The following RAB3A variants were observed in gnomAD, a reference collection of about 807,000 sequenced individuals.
RAB3A encodes the protein RAB3A, member RAS oncogene family.
In RAB3A, 5 loss-of-function variants were observed where a neutral mutation model predicts 19.7. That is an observed-to-expected ratio of 0.25 (90% CI 0.13 to 0.53). The LOEUF (loss-of-function observed/expected upper bound fraction) is 0.53. Among genes scored for constraint, RAB3A ranks in the 20% least tolerant of loss-of-function variants. The pLI, the probability that RAB3A is intolerant of heterozygous loss-of-function variation, is 0.95. For missense variants in RAB3A, 189 were observed against 305.6 expected (o/e 0.62, Z 2.85); for synonymous variants, 119 against 122.1 (o/e 0.97, Z 0.17).
chr19:18,201,572 C>G (rs886329960), intron 2 of RAB3A, among the ~76,000 whole-genome samples: 6 of 152,008 alleles, frequency 3.9e-5, no homozygotes, highest in Non-Finnish European at 7.4e-5. Context: ...GGTGACAGAG[C>G]AAAAACTCTG....
At chr19:18,203,461 C>A (rs1186379165) in intron 1 of RAB3A, among the ~76,000 whole-genome samples, 1 of 152,200 alleles carries the variant, frequency 6.6e-6, no homozygotes, top group Non-Finnish European at 1.5e-5. Flanking sequence ...CATACCTGCA[C>A]AGGCGGTCCA....
chr19:18,200,361 T>G lies in RAB3A; in HGVS notation c.313A>C (p.Thr105Pro). The G allele has an allele frequency of 6.2e-7, 1 of 1,613,898 alleles. No homozygotes were observed. Among genetic ancestry groups the G allele is most frequent in the Non-Finnish European group, 8.5e-7 (1 of 1,179,858 alleles). The change falls in exon 3 of 5, where the codon ACC becomes CCC. Residue 105 changes from threonine (T) to proline (P), a missense_variant. Physicochemically the swap from Thr to Pro is conservative, Grantham distance 38 (BLOSUM62 -1). Coordinates refer to ENST00000222256, the MANE Select transcript of RAB3A (RefSeq NM_002866.5). ...AMGFILMYDI[T>P]NEESFNAVQD... ...ACTGCATTGAAGGATTCCTCGTTGG[T>G]GATGTCATACATGAGGATGAAGCCC...
In RAB3A at chr19:18,199,057, G is replaced by T. The variant is rs188645708; in HGVS notation, c.348-208C>A. On this transcript the variant is annotated intron_variant, in intron 3 of 4. Coordinates refer to ENST00000222256, the MANE Select transcript of RAB3A (RefSeq NM_002866.5). ...CCCATTATTGTTTCTGTGTTTTGGG[G>T]TTTTTTTTGAGATAGAGTCTGGGTC... 4.2e-3 allele frequency among the ~76,000 whole-genome samples: 639 copies of T among 151,920 alleles called. 4 individuals carry two copies. Among genetic ancestry groups the T allele is most frequent in the African/African-American group, 0.015 (609 of 41,426 alleles).
In RAB3A at chr19:18,197,359, A is replaced by T; in HGVS notation, c.*111T>A. 1.0e-6 allele frequency: 1 copy of T among 954,280 alleles called. No individual in the cohort carries two copies. Among genetic ancestry groups the T allele is most frequent in the Non-Finnish European group, 1.6e-6 (1 of 638,188 alleles). 59.1% of individuals were successfully genotyped at this position (954,280 alleles called of 1,614,324 possible). On this transcript the variant is annotated 3_prime_UTR_variant, in exon 5 of 5. Transcript: ENST00000222256. ...CAATAATAAATAAGGGTGACGGGCT[A>T]AGTCAGGAGCAGGGGTCTTGTGCCC...
chr19:18,199,730 G>A lies in RAB3A; in HGVS notation c.347+597C>T, dbSNP rs148713587. On this transcript the variant is annotated intron_variant, in intron 3 of 4. Coordinates refer to ENST00000222256, the MANE Select transcript of RAB3A (RefSeq NM_002866.5). ...GTAGAGATGGGGTTTCTCCATCTTG[G>A]TCAGGCTGGTCTCGAACTCCCGACC... Among the ~76,000 whole-genome samples the A allele has an allele frequency of 5.0e-3, 749 of 150,862 alleles. 7 individuals carry two copies. Among genetic ancestry groups the A allele is most frequent in the African/African-American group, 0.017 (681 of 41,080 alleles).
Position 18,197,379 on chromosome 19 carries a change from G to C in RAB3A, c.*91C>G. The C allele has an allele frequency of 8.3e-7, 1 of 1,206,632 alleles. No individual in the cohort carries two copies. The highest frequency in any genetic ancestry group is 1.2e-6 in the Non-Finnish European group (1 of 853,510). 74.7% of individuals were successfully genotyped at this position (1,206,632 alleles called of 1,614,324 possible). A position where few individuals can be genotyped will look rare whatever the true frequency, so the allele number is the denominator to read the frequency against. On this transcript the variant is annotated 3_prime_UTR_variant, in exon 5 of 5. Transcript: ENST00000222256. Reference sequence around the variant, plus strand: ...GGGCTAAGTCAGGAGCAGGGGTCTTGTGCCCGTGGCTGGTAGGGGCCGGGT... The same window carrying C: ...GGGCTAAGTCAGGAGCAGGGGTCTTCTGCCCGTGGCTGGTAGGGGCCGGGT...
chr19:18,201,084 A>T (rs755335715), intron 2 of RAB3A, among the ~76,000 whole-genome samples: 1 of 150,334 alleles, frequency 6.7e-6, no homozygotes, highest in Non-Finnish European at 1.5e-5. Flanking sequence ...AAAATACAAA[A>T]ATTAGCTCGG....
Position 18,202,448 on chromosome 19 carries a change from G to T in RAB3A, c.228+65C>A. ...AGTCAGGAAAGAGATAGACGAGGTTGGGGCTGCTTTTCCAAGTACGGGAAT... is the reference window on the plus strand; with the variant it reads ...AGTCAGGAAAGAGATAGACGAGGTTTGGGCTGCTTTTCCAAGTACGGGAAT... On this transcript the variant is annotated intron_variant, in intron 2 of 4. Coordinates refer to ENST00000222256, the MANE Select transcript of RAB3A (RefSeq NM_002866.5). The surrounding 1 kb of genome is among the most constrained non-coding windows in gnomAD (Gnocchi z 4.2). 1 of 1,414,262 alleles carries T rather than the reference G, an allele frequency of 7.1e-7. No homozygotes were observed. Among genetic ancestry groups the T allele is most frequent in the Non-Finnish European group, 9.9e-7 (1 of 1,005,836 alleles). 87.6% of individuals were successfully genotyped at this position (1,414,262 alleles called of 1,614,324 possible).
chr19:18,203,238 G>C (rs1377076887), intron 1 of RAB3A, among the ~76,000 whole-genome samples: 1 of 152,234 alleles, frequency 6.6e-6, no homozygotes, highest in Non-Finnish European at 1.5e-5. Flanking sequence ...GCATGCACAC[G>C]CTCACGTGCA....
rs62120386 is a variant in RAB3A, at chr19:18,203,559, A to G, written c.-1+337T>C. On this transcript the variant is annotated intron_variant, in intron 1 of 4. Transcript: ENST00000222256. ...ACGAGCATATCCAGGTACACAAGCA[A>G]GGGTGCACACAGACCCGCTGACACA... Among the ~76,000 whole-genome samples, 1,347 of 152,254 alleles carry G rather than the reference A, an allele frequency of 8.8e-3. 10 individuals are homozygous for G. The highest frequency in any genetic ancestry group is 0.02 in the Middle Eastern group (6 of 294).
intron 4 of RAB3A, 25 bp from the exon 5 acceptor site, chr19:18,197,685 A>T: frequency 6.3e-7 from 1 of 1,589,008 alleles, no homozygotes; most frequent in Non-Finnish European, 8.6e-7. Context: ...GGCAGGGATG[A>T]GGACCCTGGC....
intron 4 of RAB3A, 21 bp from the exon 5 acceptor site, chr19:18,197,681 G>A (rs1472325688): frequency 1.3e-6 from 2 of 1,592,672 alleles, no homozygotes; most frequent in Middle Eastern, 1.8e-4. Flanking sequence ...AGAAGGCAGG[G>A]ATGAGGACCC....
chr19:18,197,477 G>A lies in RAB3A; in HGVS notation c.656C>T (p.Ala219Val), dbSNP rs1307042360. 3.1e-6 allele frequency: 5 copies of A among 1,611,566 alleles called. No individual in the cohort carries two copies. The African/African-American group carries it at 6.7e-5, about 21-fold the overall frequency. Reference sequence around the variant, plus strand: ...AAGGGAGTGGGATGGCTCTCAGCAGGCGCAGTCCTGGTGCGGTGGCACCTG... The same window carrying A: ...AAGGGAGTGGGATGGCTCTCAGCAGACGCAGTCCTGGTGCGGTGGCACCTG... Reference protein sequence around the residue: ...DQQVPPHQDCAC With the variant: ...DQQVPPHQDCVC Residue 219 changes from alanine to valine, a missense_variant, in exon 5 of 5, where the codon GCC becomes GTC. By Grantham distance (64) the Ala-to-Val change is moderately conservative. Transcript: ENST00000222256.
At chr19:18,203,019 C>G (rs1161250263) in intron 1 of RAB3A, among the ~76,000 whole-genome samples, 2 of 152,204 alleles carry the variant, frequency 1.3e-5, no homozygotes, top group Non-Finnish European at 2.9e-5. Context: ...GGGGCTGTAA[C>G]CCTAAACCCA....
At position 18,202,802 on chromosome 19, in the gene RAB3A, C is replaced by T; in HGVS notation, c.1-62G>A. The T allele has an allele frequency of 7.2e-7, 1 of 1,396,132 alleles. No homozygotes were observed. Among genetic ancestry groups the T allele is most frequent in the Non-Finnish European group, 1.0e-6 (1 of 992,342 alleles). 86.5% of individuals were successfully genotyped at this position (1,396,132 alleles called of 1,614,324 possible). A position where few individuals can be genotyped will look rare whatever the true frequency, so the allele number is the denominator to read the frequency against. ...CTCTCTCCATCCTCATGTGCCCAAG[C>T]CCAGGCAGAAGATGGCAAGGGCTCC... On this transcript the variant is annotated intron_variant, in intron 1 of 4. Transcript: ENST00000222256. This position sits in a 1 kb window ranked among gnomAD's most constrained non-coding sequence, Gnocchi z 4.2.
chr19:18,203,709 G>A (rs542623486), intron 1 of RAB3A, among the ~76,000 whole-genome samples, 187 bp downstream of exon 1: 2 of 152,206 alleles, frequency 1.3e-5, no homozygotes, highest in African/African-American at 4.8e-5. Flanking sequence ...GGTTGGGGGG[G>A]TTAGTGGTGA....
At chr19:18,203,141 G>T (rs1967638560) in intron 1 of RAB3A, among the ~76,000 whole-genome samples, 1 of 152,180 alleles carries the variant, frequency 6.6e-6, no homozygotes, top group African/African-American at 2.4e-5. Context: ...GGTCCCTCGA[G>T]GACGCGCATC....
At chr19:18,199,409 C>T (rs1967577890) in intron 3 of RAB3A, among the ~76,000 whole-genome samples, 1 of 152,174 alleles carries the variant, frequency 6.6e-6, no homozygotes, top group South Asian at 2.1e-4. Context: ...CCCACCTCGG[C>T]CTCCCAAGGT....
Position 18,200,408 on chromosome 19 carries a change from G to A in RAB3A, c.266C>T (p.Thr89Ile). 1 of 1,614,064 alleles carries A rather than the reference G, an allele frequency of 6.2e-7. No individual in the cohort carries two copies. Among genetic ancestry groups the A allele is most frequent in the Non-Finnish European group, 8.5e-7 (1 of 1,179,960 alleles). ...GCCCATAGCGCCCCGGTAGTATGCG[G>A]TGGTGATGGTCCGGTACCGCTCTTG... ...AGQERYRTIT[T>I]AYYRGAMGFI... is the part of the protein sequence containing the mutation. The change falls in exon 3 of 5, where the codon ACC (threonine) becomes ATC (isoleucine). Residue 89 changes from threonine to isoleucine, a missense_variant. Thr to Ile is a moderately conservative substitution (Grantham distance 89, BLOSUM62 -1). Coordinates refer to ENST00000222256, the MANE Select transcript of RAB3A (RefSeq NM_002866.5).
Sources: allele counts gnomAD v4.1 joint callset (sites outside exome capture counted in the v4.1 genomes callset), GRCh38; gene constraint gnomAD v4.1.1; non-coding constraint Gnocchi (gnomAD v3.1); transcripts MANE v1.5; gene names NCBI Gene and HGNC (gene_info 2026-07-23, HGNC 2026-07-21).